Variants in ESRRG observed in about 807,000 individuals in gnomAD.
ESRRG encodes estrogen related receptor gamma.
A neutral mutation model predicts 44.0 loss-of-function variants in ESRRG; 13 were observed. The ratio of observed to expected loss-of-function variants is 0.30; its 90% CI spans 0.19 to 0.47. The LOEUF is 0.47. Among genes scored for constraint, ESRRG ranks in the 20% least tolerant of loss-of-function variants. The pLI is 1.00. For missense variants in ESRRG, 395 were observed against 580.6 expected, an observed-to-expected ratio of 0.68 and a Z score of 3.29; for synonymous variants, 215 against 214.6, an observed-to-expected ratio of 1.00 and a Z score of -0.02.
intron 1 of ESRRG, among the ~76,000 whole-genome samples, chr1:216,709,379 A>T (rs1396922440): frequency 6.9e-6 from 1 of 145,302 alleles, no homozygotes; most frequent in Non-Finnish European, 1.5e-5. Context: ...TCTCTAATTA[A>T]TTAAATTGTT....
At chr1:216,960,860 G>A (rs1255810069) in intron 1 of ESRRG, among the ~76,000 whole-genome samples, 4 of 152,082 alleles carry the variant, frequency 2.6e-5, no homozygotes, top group Admixed American at 1.3e-4. Context: ...CAAAGTGCTG[G>A]AATTACAGGC....
At chr1:216,866,955 C>T (rs1324121650) in intron 2 of ESRRG, among the ~76,000 whole-genome samples, 1 of 152,148 alleles carries the variant, frequency 6.6e-6, no homozygotes, top group Non-Finnish European at 1.5e-5. Context: ...TCCCTAATTA[C>T]AAGTTTCTGT....
At chr1:216,789,438 T>C (rs2094241207) in intron 2 of ESRRG, among the ~76,000 whole-genome samples, 1 of 152,134 alleles carries the variant, frequency 6.6e-6, no homozygotes, top group South Asian at 2.1e-4. Flanking sequence ...TGTTACCTTT[T>C]TGGCATTAAT....
intron 2 of ESRRG, among the ~76,000 whole-genome samples, chr1:216,670,970 A>C (rs533931181): frequency 3.3e-5 from 5 of 152,270 alleles, no homozygotes; most frequent in South Asian, 4.1e-4. Context: ...ACTAGAACAA[A>C]TTTCACTTAG....
chr1:216,898,558 C>G (rs1237210037), intron 2 of ESRRG, among the ~76,000 whole-genome samples: 9 of 152,108 alleles, frequency 5.9e-5, no homozygotes, highest in Admixed American at 5.9e-4. Context: ...GCAGAGGCAG[C>G]AGTGAGCCGA....
chr1:216,961,511 G>A (rs1351942262), intron 1 of ESRRG, among the ~76,000 whole-genome samples: 2 of 149,662 alleles, frequency 1.3e-5, no homozygotes, highest in African/African-American at 4.9e-5. Context: ...TCTTTTTTAA[G>A]TATATTCCTA....
At chr1:216,989,611 C>T (rs766979811) in intron 1 of ESRRG, among the ~76,000 whole-genome samples, 11 of 152,086 alleles carry the variant, frequency 7.2e-5, no homozygotes, top group Non-Finnish European at 1.6e-4. Flanking sequence ...TTAAATATAG[C>T]CCCAAATTTC....
chr1:217,093,238 G>A (rs778026010), upstream of ESRRG, among the ~76,000 whole-genome samples: 3 of 152,014 alleles, frequency 2.0e-5, no homozygotes, highest in African/African-American at 7.2e-5. Context: ...AACCATTCTG[G>A]GCCTCAGTTC....
At chr1:216,941,175 A>G (rs766091588) in intron 1 of ESRRG, among the ~76,000 whole-genome samples, 19 of 152,182 alleles carry the variant, frequency 1.2e-4, no homozygotes, top group Non-Finnish European at 2.1e-4. Context: ...GCTGTAATTT[A>G]TATAAGTATA....
chr1:217,041,648 G>A (rs1002483389), intron 1 of ESRRG, among the ~76,000 whole-genome samples: 2 of 152,012 alleles, frequency 1.3e-5, no homozygotes, highest in African/African-American at 4.8e-5. Context: ...TTTGTTTATT[G>A]TTTCCTCCCT....
chr1:216,649,347 C>T (rs978529521), intron 3 of ESRRG, among the ~76,000 whole-genome samples: 1 of 151,880 alleles, frequency 6.6e-6, no homozygotes, highest in African/African-American at 2.4e-5. Context: ...TAAAAAGTAC[C>T]CCCATCCTCA....
upstream of ESRRG, among the ~76,000 whole-genome samples, chr1:217,090,162 T>C (rs1369596761): frequency 6.6e-6 from 1 of 152,178 alleles, no homozygotes. Context: ...CTGCTGCTCC[T>C]GCCGCCGCCG....
chr1:216,639,555 A>C (rs1321854236), intron 3 of ESRRG, among the ~76,000 whole-genome samples: 1 of 152,204 alleles, frequency 6.6e-6, no homozygotes, highest in Non-Finnish European at 1.5e-5. Context: ...AAGTAGAAAC[A>C]CATATTAAGT....
chr1:216,623,752 T>C (rs2150526789), intron 3 of ESRRG, among the ~76,000 whole-genome samples: 1 of 152,082 alleles, frequency 6.6e-6, no homozygotes, highest in Admixed American at 6.5e-5. Context: ...TAACTAAATA[T>C]GAAAAATATA....
chr1:217,034,182 G>A (rs1337838572), intron 1 of ESRRG, among the ~76,000 whole-genome samples: 1 of 151,996 alleles, frequency 6.6e-6, no homozygotes, highest in Non-Finnish European at 1.5e-5. Context: ...TAATTTAATA[G>A]GCATTTACTG....
intron 1 of ESRRG, among the ~76,000 whole-genome samples, chr1:216,991,313 C>A (rs11576344): frequency 0.17 from 25,548 of 151,994 alleles, 2,864 homozygotes; most frequent in Admixed American, 0.29. Flanking sequence ...AGAATCCTTG[C>A]TCTGATGTCA....
chr1:217,101,418 G>C (rs2092510645), intron 1 of ESRRG, among the ~76,000 whole-genome samples: 1 of 152,208 alleles, frequency 6.6e-6, no homozygotes, highest in African/African-American at 2.4e-5. Flanking sequence ...TGACACATGT[G>C]TTAATGATCC....
intron 3 of ESRRG, among the ~76,000 whole-genome samples, chr1:216,591,427 T>TAGTAGCATTGTAGATAGCATCAGAATTG (rs1447616200): frequency 3.3e-5 from 5 of 152,188 alleles, no homozygotes; most frequent in Non-Finnish European, 7.3e-5. Flanking sequence ...GACCTGTTGC[T>TAGTAGCATTGTAGATAGCATCAGAATTG]AGTAGCATTG....
chr1:216,682,752 T>C (rs1431482625), intron 1 of ESRRG, among the ~76,000 whole-genome samples: 2 of 91,466 alleles, frequency 2.2e-5, no homozygotes, highest in African/African-American at 5.2e-5. Context: ...TTTATGCTTT[T>C]AGAAGAAAAC....
Sources: allele counts gnomAD v4.1 joint callset (sites outside exome capture counted in the v4.1 genomes callset), GRCh38; gene constraint gnomAD v4.1.1; transcripts MANE v1.5; gene names NCBI Gene and HGNC (gene_info 2026-07-23, HGNC 2026-07-21).